Variants in CIT observed in about 807,000 individuals in gnomAD.
The protein encoded by CIT is citron rho-interacting serine/threonine kinase.
CIT carries 79 observed loss-of-function variants against 272.7 expected under a neutral mutation model. That is an observed-to-expected ratio of 0.29 (90% CI 0.24 to 0.35). The LOEUF is 0.35. Ranked by LOEUF, CIT falls within the 10% of genes least tolerant of loss-of-function variation. The probability of loss-of-function intolerance (pLI) is 1.00; values close to 1 mark genes in which losing one functional copy is unlikely to be tolerated. For missense variants in CIT, 1,909 were observed against 2,618.3 expected, an observed-to-expected ratio of 0.73 and a Z score of 5.91; for synonymous variants, 948 against 995.6, an observed-to-expected ratio of 0.95 and a Z score of 0.90.
chr12:119,710,383 C>T lies in CIT; in HGVS notation c.4939G>A (p.Val1647Met). 6.2e-7 allele frequency: 1 copy of T among 1,614,140 alleles called. No homozygotes were observed. Among genetic ancestry groups the T allele is most frequent in the East Asian group, 2.2e-5 (1 of 44,882 alleles). The change falls in exon 39 of 48, where the codon GTG (valine) becomes ATG (methionine). Residue 1647 changes from valine to methionine, a missense_variant. Physicochemically the swap from Val to Met is conservative, Grantham distance 21 (BLOSUM62 1). Around this residue, in one of 8 missense-constraint regions of CIT, gnomAD observed 780 missense variants for 1,067.2 expected, o/e 0.73. Transcript: ENST00000392521. This position sits in a 1 kb window ranked among gnomAD's most constrained non-coding sequence, Gnocchi z 5.6. Reference protein sequence around the residue: ...NCTLPFSDQVVLVGTEEGLYA... With the variant: ...NCTLPFSDQVMLVGTEEGLYA... ...AGCCCTTCCTCGGTGCCCACCAACA[C>T]CACCTGCAAGGGCAGAAGTCCGAAG...
Position 119,690,044 on chromosome 12 carries a change from G to A in CIT, c.6186+107C>T. On this transcript the variant is annotated intron_variant, in intron 47 of 47. Coordinates refer to ENST00000392521, the MANE Select transcript of CIT (RefSeq NM_001206999.2). This position sits in a 1 kb window ranked among gnomAD's most constrained non-coding sequence, Gnocchi z 6.0. Reference sequence around the variant, plus strand: ...TGTGTCTCGCAAAGTCTGAATTACAGTCATGGAGTTCCTTTTTTAAACAAC... The same window carrying A: ...TGTGTCTCGCAAAGTCTGAATTACAATCATGGAGTTCCTTTTTTAAACAAC... The A allele has an allele frequency of 9.2e-7, 1 of 1,086,664 alleles. No homozygotes were observed. Among genetic ancestry groups the A allele is most frequent in the Non-Finnish European group, 1.2e-6 (1 of 820,750 alleles). The allele number at this position is 1,086,664 out of a possible 1,614,324, so 67.3% of individuals were successfully genotyped here. A position where few individuals can be genotyped will look rare whatever the true frequency, so the allele number is the denominator to read the frequency against.
chr12:119,799,505 T>C (rs990553230), intron 10 of CIT, among the ~76,000 whole-genome samples: 16 of 152,170 alleles, frequency 1.1e-4, no homozygotes, highest in African/African-American at 3.9e-4. Flanking sequence ...GGTGTTTGAA[T>C]GCCTGGATCC....
Position 119,710,377 on chromosome 12 carries a change from C to T in CIT, c.4945G>A (p.Val1649Met), listed in dbSNP as rs1957103932. 1 of 1,614,036 alleles carries T rather than the reference C, an allele frequency of 6.2e-7. No individual in the cohort carries two copies. The highest frequency in any genetic ancestry group is 1.1e-5 in the South Asian group (1 of 91,074). The change falls in exon 39 of 48, where the codon GTG becomes ATG. Residue 1649 changes from valine to methionine, a missense_variant. Coordinates refer to ENST00000392521, the MANE Select transcript of CIT (RefSeq NM_001206999.2). This position sits in a 1 kb window ranked among gnomAD's most constrained non-coding sequence, Gnocchi z 5.6. ...TLPFSDQVVL[V>M]GTEEGLYALN... Reference sequence around the variant, plus strand: ...GCGTAGAGCCCTTCCTCGGTGCCCACCAACACCACCTGCAAGGGCAGAAGT... The same window carrying T: ...GCGTAGAGCCCTTCCTCGGTGCCCATCAACACCACCTGCAAGGGCAGAAGT...
chr12:119,855,042 T>C (rs557497292), intron 4 of CIT, among the ~76,000 whole-genome samples: 1 of 152,284 alleles, frequency 6.6e-6, no homozygotes, highest in South Asian at 2.1e-4. Flanking sequence ...GAGGGTCGCT[T>C]AAGCCCAGGA....
At chr12:119,748,275 G>A (rs1593581422) in intron 23 of CIT, among the ~76,000 whole-genome samples, 2 of 152,234 alleles carry the variant, frequency 1.3e-5, no homozygotes, top group Admixed American at 1.3e-4. Flanking sequence ...CGGACAGGTT[G>A]CAGCCAGTCT....
chr12:119,739,798 G>C (rs1001677708), intron 24 of CIT, among the ~76,000 whole-genome samples: 1 of 152,124 alleles, frequency 6.6e-6, no homozygotes, highest in Non-Finnish European at 1.5e-5. Flanking sequence ...CCATGACTCA[G>C]TGTTCCATAA....
Position 119,804,591 on chromosome 12 carries a change from G to T in CIT, c.1112-1202C>A. ...AGCCCAGACTTCTTTTTAACTCCTC[G>T]TTTTCTGGACAAAGCTGGGTGCCAG... On this transcript the variant is annotated intron_variant, in intron 9 of 47. Coordinates refer to ENST00000392521, the MANE Select transcript of CIT (RefSeq NM_001206999.2). This position sits in a 1 kb window ranked among gnomAD's most constrained non-coding sequence, Gnocchi z 5.3. The T allele has an allele frequency of 7.8e-6, 5 of 636,968 alleles. No homozygotes were observed. Among genetic ancestry groups the T allele is most frequent in the Non-Finnish European group, 9.8e-6 (5 of 511,886 alleles). The allele number at this position is 636,968 out of a possible 1,614,324, so 39.5% of individuals were successfully genotyped here.
At chr12:119,709,927 G>A (rs1264071842) in intron 39 of CIT, among the ~76,000 whole-genome samples, 1 of 152,082 alleles carries the variant, frequency 6.6e-6, no homozygotes, top group African/African-American at 2.4e-5. Context: ...CAAGCTCTCA[G>A]AAGGTCAGGG....
intron 22 of CIT, 23 bp from the exon 23 acceptor site, chr12:119,752,270 A>AG (rs1960367688): frequency 2.0e-6 from 3 of 1,493,046 alleles, no homozygotes; most frequent in African/African-American, 3.0e-5. Context: ...GAGAGAGAGA[A>AG]AGAGAGATAA....
At chr12:119,831,202 C>T (rs1968602385) in intron 7 of CIT, among the ~76,000 whole-genome samples, 1 of 152,162 alleles carries the variant, frequency 6.6e-6, no homozygotes, top group Non-Finnish European at 1.5e-5. Context: ...ATTATTTTAA[C>T]TTTTTTTCTG....
intron 2 of CIT, among the ~76,000 whole-genome samples, chr12:119,873,780 G>GAAA (rs11403683): frequency 1.3e-5 from 2 of 148,174 alleles, no homozygotes. Context: ...CAATATTTTG[G>GAAA]AAAAAAAAAA....
intron 5 of CIT, among the ~76,000 whole-genome samples, chr12:119,834,517 A>C (rs1022494099): frequency 6.6e-6 from 1 of 152,172 alleles, no homozygotes; most frequent in African/African-American, 2.4e-5. Flanking sequence ...TCCCACCCAC[A>C]AGTTGACACC....
chr12:119,860,087 G>A (rs1950291460), intron 3 of CIT, among the ~76,000 whole-genome samples: 1 of 152,084 alleles, frequency 6.6e-6, no homozygotes, highest in Non-Finnish European at 1.5e-5. Context: ...CAAAGCACTG[G>A]GATTACAGGC....
Position 119,783,896 on chromosome 12 carries a change from G to A in CIT, c.1545+12C>T. 6.4e-7 allele frequency: 1 copy of A among 1,559,366 alleles called. No individual in the cohort carries two copies. Among genetic ancestry groups the A allele is most frequent in the Non-Finnish European group, 8.7e-7 (1 of 1,155,684 alleles). The stretch of plus-strand genomic sequence containing the variant: ...CCACCTCCAAGGGAAGGGGGCTTCA[G>A]GGAAGGCTCACACTGCATTCTGTGA... On this transcript the variant is annotated intron_variant, in intron 12 of 47. Transcript: ENST00000392521.
At position 119,718,080 on chromosome 12, in the gene CIT, T is replaced by C. The variant is rs549431190; in HGVS notation, c.4168+165A>G. Among the ~76,000 whole-genome samples the C allele has an allele frequency of 4.8e-4, 73 of 152,150 alleles. 1 individual carries two copies. The highest frequency in any genetic ancestry group is 1.5e-3 in the African/African-American group (64 of 41,518). On this transcript the variant is annotated intron_variant, in intron 32 of 47. Coordinates refer to ENST00000392521, the MANE Select transcript of CIT (RefSeq NM_001206999.2). The surrounding 1 kb of genome is among the most constrained non-coding windows in gnomAD (Gnocchi z 4.8). Reference sequence around the variant, plus strand: ...GTCTTGAGCTCCCAACTTCAGGTGATCCGCCCACCTCGGCCTCCCAAAGTG... The same window carrying C: ...GTCTTGAGCTCCCAACTTCAGGTGACCCGCCCACCTCGGCCTCCCAAAGTG...
intron 18 of CIT, among the ~76,000 whole-genome samples, chr12:119,769,195 G>C (rs1962808283): frequency 6.6e-6 from 1 of 151,644 alleles, no homozygotes; most frequent in South Asian, 2.1e-4. Context: ...CCAAATTTCT[G>C]GTCTATTTGT....
At chr12:119,803,480 C>G (rs542466744) in intron 9 of CIT, 91 bp from the exon 10 acceptor site, 7 of 942,230 alleles carry the variant, frequency 7.4e-6, no homozygotes, top group Non-Finnish European at 1.6e-6. Flanking sequence ...CTTACTCCTT[C>G]GGCGCTGGCG....
intron 9 of CIT, among the ~76,000 whole-genome samples, chr12:119,821,867 G>T: frequency 6.6e-6 from 1 of 152,140 alleles, no homozygotes; most frequent in Admixed American, 6.5e-5. Context: ...AAAGATTTAT[G>T]GAAATGCGAC....
At chr12:119,727,084 T>C (rs1231034951) in intron 28 of CIT, among the ~76,000 whole-genome samples, 1 of 152,252 alleles carries the variant, frequency 6.6e-6, no homozygotes. Context: ...ATATTAGCTC[T>C]AAAGAACAAT....
Sources: allele counts gnomAD v4.1 joint callset (sites outside exome capture counted in the v4.1 genomes callset), GRCh38; gene constraint gnomAD v4.1.1; regional missense constraint gnomAD v4.1.1; non-coding constraint Gnocchi (gnomAD v3.1); transcripts MANE v1.5; gene names NCBI Gene and HGNC (gene_info 2026-07-23, HGNC 2026-07-21).